Variants in KCNQ5 observed in about 807,000 individuals in gnomAD.
KCNQ5 encodes the protein potassium voltage-gated channel subfamily KQT member 5.
In KCNQ5, 30 loss-of-function variants were observed where a neutral mutation model predicts 98.2. The observed-to-expected ratio is 0.31, with a 90% CI of 0.23 to 0.41. The LOEUF is 0.41. KCNQ5 is among the 10% of genes least tolerant of loss of function. The pLI is 1.00. For synonymous variants in KCNQ5, 458 were observed against 449.4 expected (o/e 1.02, Z -0.24); for missense variants, 835 against 1,182.5 (o/e 0.71, Z 4.31).
intron 1 of KCNQ5, among the ~76,000 whole-genome samples, chr6:72,954,423 A>C (rs1031560779): frequency 6.6e-6 from 1 of 152,218 alleles, no homozygotes; most frequent in Non-Finnish European, 1.5e-5. Context: ...CTAAGGCAGC[A>C]TTCCAGTGTA....
At chr6:73,146,079 G>A (rs1451836802) in intron 10 of KCNQ5, among the ~76,000 whole-genome samples, 4 of 152,148 alleles carry the variant, frequency 2.6e-5, no homozygotes, top group African/African-American at 4.8e-5. Flanking sequence ...GATACAGAGC[G>A]AAACCATATC....
chr6:72,776,498 A>G (rs915181877), intron 1 of KCNQ5, among the ~76,000 whole-genome samples: 1 of 152,206 alleles, frequency 6.6e-6, no homozygotes, highest in African/African-American at 2.4e-5. Context: ...GTTAGTAATT[A>G]TGGACTATTA....
intron 3 of KCNQ5, among the ~76,000 whole-genome samples, chr6:73,069,457 G>A (rs1294474260): frequency 6.6e-6 from 1 of 151,734 alleles, no homozygotes; most frequent in Admixed American, 6.6e-5. Context: ...AACTTATCAG[G>A]TAAGTATCTA....
At chr6:72,813,729 C>G (rs560610542) in intron 1 of KCNQ5, among the ~76,000 whole-genome samples, 2 of 152,244 alleles carry the variant, frequency 1.3e-5, no homozygotes, top group African/African-American at 2.4e-5. Flanking sequence ...AAAGCACATT[C>G]TCTCATATAC....
At chr6:72,865,825 T>C (rs187639244) in intron 1 of KCNQ5, among the ~76,000 whole-genome samples, 1 of 152,334 alleles carries the variant, frequency 6.6e-6, no homozygotes, top group African/African-American at 2.4e-5. Context: ...TCTCTGATTA[T>C]AGAGTGCTTT....
At chr6:73,050,987 T>C (rs1772208471) in intron 3 of KCNQ5, among the ~76,000 whole-genome samples, 1 of 152,188 alleles carries the variant, frequency 6.6e-6, no homozygotes, top group Non-Finnish European at 1.5e-5. Flanking sequence ...CTAATCAAGG[T>C]CATTTGGGCT....
chr6:72,872,281 A>G (rs1051763390), intron 1 of KCNQ5, among the ~76,000 whole-genome samples: 6 of 152,186 alleles, frequency 3.9e-5, no homozygotes, highest in African/African-American at 1.2e-4. Context: ...AGTTAAATCA[A>G]TCATAGTGAT....
chr6:72,850,130 T>G (rs1008247737), intron 1 of KCNQ5, among the ~76,000 whole-genome samples: 1 of 152,148 alleles, frequency 6.6e-6, no homozygotes, highest in Non-Finnish European at 1.5e-5. Flanking sequence ...AAATGCTTAT[T>G]TAGAAGAATA....
At chr6:72,802,400 A>C (rs1774707738) in intron 1 of KCNQ5, among the ~76,000 whole-genome samples, 1 of 151,962 alleles carries the variant, frequency 6.6e-6, no homozygotes, top group Non-Finnish European at 1.5e-5. Context: ...CTGACCTCTC[A>C]TTCTTTATGC....
chr6:72,896,700 A>G (rs1030921437), intron 1 of KCNQ5, among the ~76,000 whole-genome samples: 44 of 152,274 alleles, frequency 2.9e-4, no homozygotes, highest in Admixed American at 2.3e-3. Flanking sequence ...AATTATGGTC[A>G]ACAGAGGTTT....
At chr6:72,856,471 TACACACACACAC>T (rs3035183) in intron 1 of KCNQ5, among the ~76,000 whole-genome samples, 1 of 148,912 alleles carries the variant, frequency 6.7e-6, no homozygotes, top group Non-Finnish European at 1.5e-5. Context: ...CACACATATA[TACACACACACAC>T]ACACACACAC....
chr6:72,948,850 T>G (rs901545101), intron 1 of KCNQ5, among the ~76,000 whole-genome samples: 5 of 152,144 alleles, frequency 3.3e-5, no homozygotes, highest in African/African-American at 1.2e-4. Context: ...TTGAAATTTC[T>G]TAGGATAGGA....
chr6:73,032,685 T>A (rs917475789), intron 2 of KCNQ5, among the ~76,000 whole-genome samples: 5 of 152,166 alleles, frequency 3.3e-5, no homozygotes, highest in Middle Eastern at 3.2e-3. Context: ...CATATCTGGG[T>A]CCAGTTCAAG....
intron 7 of KCNQ5, among the ~76,000 whole-genome samples, chr6:73,112,415 G>C (rs1287638804): frequency 2.6e-5 from 4 of 150,978 alleles, no homozygotes; most frequent in Non-Finnish European, 1.5e-5. Context: ...GTGCGATCTC[G>C]GCTCACTGCA....
At chr6:72,789,319 G>C (rs529810862) in intron 1 of KCNQ5, among the ~76,000 whole-genome samples, 5 of 152,250 alleles carry the variant, frequency 3.3e-5, no homozygotes, top group Admixed American at 2.6e-4. Context: ...ACCACACCTG[G>C]CTAATCCACC....
At chr6:73,098,489 A>G (rs2150412331) in intron 5 of KCNQ5, among the ~76,000 whole-genome samples, 1 of 152,280 alleles carries the variant, frequency 6.6e-6, no homozygotes, top group South Asian at 2.1e-4. Flanking sequence ...TAAAGAAAAG[A>G]TTTTATAAGC....
At chr6:73,048,989 A>T (rs1772093334) in intron 3 of KCNQ5, among the ~76,000 whole-genome samples, 2 of 152,258 alleles carry the variant, frequency 1.3e-5, no homozygotes, top group Middle Eastern at 3.4e-3. Context: ...TTGAGATGTT[A>T]TCTGAAACTG....
chr6:73,056,608 G>T (rs1028927276), intron 3 of KCNQ5, among the ~76,000 whole-genome samples: 3 of 152,126 alleles, frequency 2.0e-5, no homozygotes, highest in African/African-American at 7.2e-5. Flanking sequence ...TTTCATGGCA[G>T]TGAAATGCCT....
intron 1 of KCNQ5, among the ~76,000 whole-genome samples, chr6:72,909,595 G>A (rs1334974385): frequency 1.3e-5 from 2 of 152,146 alleles, no homozygotes; most frequent in African/African-American, 4.8e-5. Context: ...ACCATGAAGA[G>A]AGCTAAGCAG....
Sources: gnomAD v4.1 joint callset for allele counts (sites outside exome capture counted in the v4.1 genomes callset) on GRCh38, gnomAD v4.1.1 for gene constraint, MANE v1.5 for transcripts, NCBI Gene and HGNC (gene_info 2026-07-23, HGNC 2026-07-21) for gene names.